The following PPP2R2B variants were observed in gnomAD, a reference collection of about 807,000 sequenced individuals.
PPP2R2B encodes the protein protein phosphatase 2 regulatory subunit Bbeta, also known as serine/threonine-protein phosphatase 2A 55 kDa regulatory subunit B beta isoform.
PPP2R2B carries 5 observed loss-of-function variants against 46.0 expected under a neutral mutation model. That is an observed-to-expected ratio of 0.11 (90% confidence interval 0.06 to 0.23). The LOEUF (loss-of-function observed/expected upper bound fraction) is 0.23. Among genes scored for constraint, PPP2R2B ranks in the 10% least tolerant of loss-of-function variants. PPP2R2B has a pLI of 1.00. For synonymous variants in PPP2R2B, 215 were observed against 206.7 expected (o/e 1.04, Z -0.34); for missense variants, 367 against 575.0 (o/e 0.64, Z 3.70).
At chr5:146,640,639 T>C (rs1024292136) in intron 6 of PPP2R2B, among the ~76,000 whole-genome samples, 5 of 152,224 alleles carry the variant, frequency 3.3e-5, no homozygotes, top group Non-Finnish European at 7.3e-5. Context: ...GGTGTCAGCT[T>C]TCTCAACCTC....
chr5:147,022,512 A>G (rs2030064481), intron 1 of PPP2R2B, among the ~76,000 whole-genome samples: 1 of 151,998 alleles, frequency 6.6e-6, no homozygotes, highest in Non-Finnish European at 1.5e-5. Context: ...ATGAGCCAAG[A>G]TCATGCCACT....
intron 1 of PPP2R2B, among the ~76,000 whole-genome samples, chr5:146,929,516 C>T (rs1763897338): frequency 6.6e-6 from 1 of 151,658 alleles, no homozygotes; most frequent in South Asian, 2.1e-4. Flanking sequence ...AAAGAAGAGT[C>T]CATGGCAAAA....
chr5:146,812,667 GTA>G (rs1186426182), intron 2 of PPP2R2B, among the ~76,000 whole-genome samples: 8 of 638 alleles, frequency 0.013, no homozygotes, highest in Non-Finnish European at 0.028. Flanking sequence ...CCTCAGAAGA[GTA>G]TATATATATA....
At chr5:146,803,252 G>A (rs1183023645) in intron 2 of PPP2R2B, among the ~76,000 whole-genome samples, 1 of 152,106 alleles carries the variant, frequency 6.6e-6, no homozygotes, top group Non-Finnish European at 1.5e-5. Flanking sequence ...CCCACATTTT[G>A]TATTTCTCAG....
intron 2 of PPP2R2B, among the ~76,000 whole-genome samples, chr5:146,774,818 A>G (rs967559185): frequency 5.5e-5 from 8 of 146,566 alleles, no homozygotes; most frequent in Non-Finnish European, 9.0e-5. Context: ...CTCTGTCTCA[A>G]AAAAAAAAAA....
In PPP2R2B at chr5:146,589,008, CACTGCTTCCAACTT is replaced by C. The variant is rs1193980325; in HGVS notation, c.*925_*938del. ...TTTCTCAGGGACTCAGGGGTGGTGG[CACTGCTTCCAACTT>C]ACTGCTTCATTTAGAACACCAGATA... On this transcript the variant is annotated 3_prime_UTR_variant, in exon 10 of 10. Transcript: ENST00000394411. 1.3e-5 allele frequency: 2 copies of C among 152,200 alleles called. No homozygotes were observed. Among genetic ancestry groups the C allele is most frequent in the East Asian group, 3.8e-4 (2 of 5,196 alleles). The allele number at this position is 152,200 out of a possible 1,614,324, so 9.4% of individuals were successfully genotyped here.
chr5:147,014,477 G>A (rs1248671041), intron 1 of PPP2R2B, among the ~76,000 whole-genome samples: 1 of 151,996 alleles, frequency 6.6e-6, no homozygotes, highest in Non-Finnish European at 1.5e-5. Context: ...CAAAGACTTG[G>A]AACCAACACA....
At chr5:146,649,660 A>T (rs1775822536) in intron 6 of PPP2R2B, among the ~76,000 whole-genome samples, 1 of 152,080 alleles carries the variant, frequency 6.6e-6, no homozygotes, top group Admixed American at 6.6e-5. Context: ...ACGTTGGCTA[A>T]GCTGGTCTTA....
intron 2 of PPP2R2B, among the ~76,000 whole-genome samples, chr5:146,753,794 T>G (rs1030687684): frequency 3.9e-5 from 6 of 152,282 alleles, no homozygotes; most frequent in Admixed American, 3.9e-4. Flanking sequence ...GCTTGATTTG[T>G]GCATGTGACT....
At chr5:147,038,458 T>C (rs1221399147) in intron 1 of PPP2R2B, among the ~76,000 whole-genome samples, 2 of 152,152 alleles carry the variant, frequency 1.3e-5, no homozygotes, top group African/African-American at 2.4e-5. Context: ...TTAAATTACA[T>C]TGATAATTTT....
At chr5:147,027,257 A>G (rs1199839852) in intron 1 of PPP2R2B, among the ~76,000 whole-genome samples, 2 of 152,200 alleles carry the variant, frequency 1.3e-5, no homozygotes, top group African/African-American at 2.4e-5. Context: ...CAGTGTGGTT[A>G]TACAACATTG....
intron 1 of PPP2R2B, among the ~76,000 whole-genome samples, chr5:146,891,077 A>G (rs995131769): frequency 4.1e-4 from 63 of 152,348 alleles, no homozygotes; most frequent in African/African-American, 1.5e-3. Flanking sequence ...AGAGAATAAA[A>G]GTGGCTGTCA....
intron 2 of PPP2R2B, among the ~76,000 whole-genome samples, chr5:146,853,444 A>T (rs1180646363): frequency 6.6e-6 from 1 of 152,118 alleles, no homozygotes; most frequent in Non-Finnish European, 1.5e-5. Flanking sequence ...GTTCTAAGTT[A>T]AACTTGTCTG....
At chr5:146,933,718 C>A (rs1265876431) in intron 1 of PPP2R2B, among the ~76,000 whole-genome samples, 1 of 150,032 alleles carries the variant, frequency 6.7e-6, no homozygotes, top group East Asian at 2.0e-4. Context: ...TTTTAGGGTA[C>A]ATGTGCACAT....
intron 5 of PPP2R2B, among the ~76,000 whole-genome samples, chr5:146,681,152 C>A (rs964944463): frequency 6.6e-6 from 1 of 152,170 alleles, no homozygotes; most frequent in African/African-American, 2.4e-5. Context: ...TCCATTTGCA[C>A]TAATTATTTT....
At chr5:146,648,747 C>T (rs1006489566) in intron 6 of PPP2R2B, among the ~76,000 whole-genome samples, 1 of 152,016 alleles carries the variant, frequency 6.6e-6, no homozygotes, top group Non-Finnish European at 1.5e-5. Context: ...ATGTAACTAG[C>T]CATGTGAATG....
intron 2 of PPP2R2B, among the ~76,000 whole-genome samples, chr5:146,791,104 C>T (rs1198326741): frequency 6.6e-6 from 1 of 152,148 alleles, no homozygotes; most frequent in Non-Finnish European, 1.5e-5. Flanking sequence ...CTTTTAGGAC[C>T]TGTTTCTCTT....
intron 1 of PPP2R2B, among the ~76,000 whole-genome samples, chr5:146,887,407 C>T (rs1208536710): frequency 6.6e-6 from 1 of 151,992 alleles, no homozygotes; most frequent in Non-Finnish European, 1.5e-5. Context: ...GAATGTAATG[C>T]TAAAACCAAA....
intron 7 of PPP2R2B, among the ~76,000 whole-genome samples, chr5:146,615,970 T>C (rs1331628231): frequency 6.6e-6 from 1 of 152,128 alleles, no homozygotes; most frequent in Non-Finnish European, 1.5e-5. Flanking sequence ...AGGAATCACA[T>C]TACCTGACTT....
Sources: gnomAD v4.1 joint callset for allele counts (sites outside exome capture counted in the v4.1 genomes callset) on GRCh38, gnomAD v4.1.1 for gene constraint, MANE v1.5 for transcripts, NCBI Gene and HGNC (gene_info 2026-07-23, HGNC 2026-07-21) for gene names.